The following UBR4 variants were observed in gnomAD, a reference collection of about 807,000 sequenced individuals.
UBR4 encodes ubiquitin protein ligase E3 component n-recognin 4.
A neutral mutation model predicts 575.6 loss-of-function variants in UBR4; 124 were observed. That is an observed-to-expected ratio of 0.22 (90% CI 0.19 to 0.25). The LOEUF (loss-of-function observed/expected upper bound fraction) is 0.25, where lower values mean the gene tolerates loss of function less well. Among genes scored for constraint, UBR4 ranks in the 10% least tolerant of loss-of-function variants. UBR4 has a pLI of 1.00. For missense variants in UBR4, 4,818 were observed against 6,478.8 expected (o/e 0.74, Z 8.80); for synonymous variants, 2,455 against 2,473.7 (o/e 0.99, Z 0.22).
At chr1:19,118,506 G>A (rs75748701) in intron 71 of UBR4, 2,688 of 187,400 alleles carry the variant, frequency 0.014, 81 homozygotes, top group African/African-American at 0.063. Flanking sequence ...TTGCACCCTC[G>A]AACTTCTGGC....
chr1:19,134,817 C>T (rs1372140784), intron 60 of UBR4, among the ~76,000 whole-genome samples: 1 of 152,072 alleles, frequency 6.6e-6, no homozygotes, highest in Admixed American at 6.6e-5. Flanking sequence ...CATGACTTCC[C>T]TTCACACTCT....
intron 71 of UBR4, 100 bp downstream of exon 71, chr1:19,118,772 A>G: frequency 1.6e-6 from 2 of 1,214,952 alleles, no homozygotes; most frequent in South Asian, 2.6e-5. Context: ...CTCTTCTCTC[A>G]GGCGCTTGTC....
In UBR4 at chr1:19,156,401, C is replaced by T; in HGVS notation, c.5942G>A (p.Ser1981Asn). The T allele has an allele frequency of 6.2e-7, 1 of 1,614,154 alleles. No homozygotes were observed. The highest frequency in any genetic ancestry group is 8.5e-7 in the Non-Finnish European group (1 of 1,180,012). The change falls in exon 42 of 106, where the codon AGT becomes AAT. Residue 1981 changes from serine to asparagine, a missense_variant. By Grantham distance (46) the Ser-to-Asn change is conservative. This residue lies in a region of UBR4 where 461 missense variants were observed against 606.9 expected (regional missense o/e 0.76). Coordinates refer to ENST00000375254, the MANE Select transcript of UBR4 (RefSeq NM_020765.3). ...GTGATCCGAAACAGAGCCTGAGCTACTAAAGGTGAGCACATGACAGTCCTG... is the reference window on the plus strand; with the variant it reads ...GTGATCCGAAACAGAGCCTGAGCTATTAAAGGTGAGCACATGACAGTCCTG... Reference protein sequence around the residue: ...GLKDCHVLTFSSSGSVSDHLV... With the variant: ...GLKDCHVLTFNSSGSVSDHLV...
chr1:19,157,932 C>T lies in UBR4; in HGVS notation c.5643G>A (p.Gln1881=), dbSNP rs749405007. 1.9e-6 allele frequency: 3 copies of T among 1,614,234 alleles called. No individual in the cohort carries two copies. In the South Asian group the frequency reaches 3.3e-5, roughly 18 times the overall value. The change falls in exon 40 of 106, where the codon CAG becomes CAA. Residue 1881 remains glutamine (Q), a synonymous_variant. Coordinates refer to ENST00000375254, the MANE Select transcript of UBR4 (RefSeq NM_020765.3). This position sits in a 1 kb window ranked among gnomAD's most constrained non-coding sequence, Gnocchi z 4.4. The stretch of plus-strand genomic sequence containing the variant: ...TGATCAGCTGCCGGATGGTCTGGCC[C>T]TGGTCTCCACTGTAATTCATCCGCA... The part of the protein sequence containing the change: ...ENVRMNYSGD[Q]GQTIRQLISA...
intron 53 of UBR4, among the ~76,000 whole-genome samples, chr1:19,145,453 A>AGCTGGCTT (rs1447274662): frequency 6.6e-6 from 1 of 151,788 alleles, no homozygotes; most frequent in Non-Finnish European, 1.5e-5. Context: ...GTGCCTTTTG[A>AGCTGGCTT]GCTGGCTTTA....
rs748148721 is a variant in UBR4, at chr1:19,146,962, G to A, written c.7668C>T (p.Asn2556=). ...AATCCTTGCCCTCTTTGCTAGATGTGTTGAGACACTGCACAGCTTTGCTCA... is the reference window on the plus strand; with the variant it reads ...AATCCTTGCCCTCTTTGCTAGATGTATTGAGACACTGCACAGCTTTGCTCA... ...ALLSKAVQCL[N]TSSKEGKDLD... Residue 2556 remains asparagine, a synonymous_variant, in exon 52 of 106, where the codon AAC becomes AAT. Coordinates refer to ENST00000375254, the MANE Select transcript of UBR4 (RefSeq NM_020765.3). 1.2e-6 allele frequency: 2 copies of A among 1,613,304 alleles called. No individual in the cohort carries two copies. Among genetic ancestry groups the A allele is most frequent in the Admixed American group, 1.7e-5 (1 of 59,966 alleles).
At chr1:19,147,145 T>C (rs1471248448) in intron 51 of UBR4, 145 bp from the exon 52 acceptor site, 25 of 752,932 alleles carry the variant, frequency 3.3e-5, no homozygotes, top group Non-Finnish European at 4.5e-5. Context: ...CTACAACAGA[T>C]CTTCAAAGCA....
Position 19,138,025 on chromosome 1 carries a change from TCTC to T in UBR4, c.8885_8887del (p.Gly2962del), listed in dbSNP as rs1403800295. The T allele has an allele frequency of 2.6e-6, 4 of 1,562,746 alleles. No homozygotes were observed. Among genetic ancestry groups the T allele is most frequent in the Non-Finnish European group, 8.7e-7 (1 of 1,148,572 alleles). The stretch of plus-strand genomic sequence containing the variant: ...TCTTGACCTGTTGCTAGTGTGGACA[TCTC>T]CTTCAGTTTCTCCTTCTCCTTCTCC... On this transcript the variant is annotated inframe_deletion, in exon 60 of 106. Transcript: ENST00000375254.
chr1:19,122,046 C>G, intron 66 of UBR4, 34 bp from the exon 67 acceptor site: 1 of 1,609,576 alleles, frequency 6.2e-7, no homozygotes, highest in Non-Finnish European at 8.5e-7. Flanking sequence ...AAAGGAGTAA[C>G]TCCACCACAT....
chr1:19,156,258 A>C lies in UBR4; in HGVS notation c.6072+13T>G. On this transcript the variant is annotated intron_variant, in intron 42 of 105. Transcript: ENST00000375254. ...AATTCTAGGACCATATCATCAAAGA[A>C]CTGTAACTGTACCTTAACAAAGTCT... is the stretch of plus-strand genomic sequence containing the variant. 6.2e-7 allele frequency: 1 copy of C among 1,613,710 alleles called. No homozygotes were observed. Among genetic ancestry groups the C allele is most frequent in the Non-Finnish European group, 8.5e-7 (1 of 1,179,834 alleles).
chr1:19,192,879 C>T (rs1438953902), intron 9 of UBR4, among the ~76,000 whole-genome samples: 1 of 151,950 alleles, frequency 6.6e-6, no homozygotes, highest in African/African-American at 2.4e-5. Context: ...ACCTCCCAGG[C>T]TCAAGCGATT....
rs1254979238 is a variant in UBR4 at position 19,117,232 on chromosome 1, C to T, written c.10812G>A (p.Glu3604=). Residue 3604 remains glutamate (E), a synonymous_variant, in exon 73 of 106, where the codon GAG becomes GAA. Coordinates refer to ENST00000375254, the MANE Select transcript of UBR4 (RefSeq NM_020765.3). The surrounding 1 kb of genome is among the most constrained non-coding windows in gnomAD (Gnocchi z 4.0). ...TAAAAAGCCCGTACTTGTTTTTCAA[C>T]TCCACGATGGCCTGCACGGTTCGGT... is the stretch of plus-strand genomic sequence containing the variant. The part of the protein sequence containing the change: ...YNNRTVQAIV[E]LKNKPARWHK... 1.9e-6 allele frequency: 3 copies of T among 1,612,032 alleles called. No individual in the cohort carries two copies. The highest frequency in any genetic ancestry group is 1.3e-5 in the African/African-American group (1 of 75,036).
rs369816992 is a variant in UBR4, at chr1:19,105,727, T to C, written c.12503+6A>G. 12 of 1,575,310 alleles carry C rather than the reference T, an allele frequency of 7.6e-6. No homozygotes were observed. The African/African-American group carries it at 1.4e-4, about 18-fold the overall frequency. On this transcript the variant is annotated splice_donor_region_variant and intron_variant, in intron 84 of 105. Coordinates refer to ENST00000375254, the MANE Select transcript of UBR4 (RefSeq NM_020765.3). ...CCACGCTCCTCATCCCACTCCCAAA[T>C]GGTACCTGGTAAGCAGGTCCAGGAC...
chr1:19,154,089 C>G (rs2086101652), intron 44 of UBR4, 150 bp from the exon 45 acceptor site: 1 of 876,044 alleles, frequency 1.1e-6, no homozygotes, highest in Non-Finnish European at 1.7e-6. Context: ...TAGTTTTATT[C>G]CAAGCCATGC....
chr1:19,207,023 T>C (rs557950720), intron 1 of UBR4, among the ~76,000 whole-genome samples: 8 of 152,102 alleles, frequency 5.3e-5, no homozygotes, highest in African/African-American at 1.7e-4. Flanking sequence ...AAAGTAAGAG[T>C]TGGCATGATG....
intron 93 of UBR4, among the ~76,000 whole-genome samples, 178 bp downstream of exon 93, chr1:19,095,367 G>A (rs1447101041): frequency 1.3e-5 from 2 of 152,208 alleles, no homozygotes; most frequent in African/African-American, 4.8e-5. Context: ...GGGGCAGGAG[G>A]TGAGCCAGCC....
chr1:19,076,185 T>C (rs2075919783), intron 105 of UBR4, among the ~76,000 whole-genome samples: 1 of 152,238 alleles, frequency 6.6e-6, no homozygotes, highest in Admixed American at 6.5e-5. Context: ...AGAATTTCAA[T>C]TTTACTAGCA....
chr1:19,208,600 T>C (rs1438357589), intron 1 of UBR4, among the ~76,000 whole-genome samples: 1 of 152,198 alleles, frequency 6.6e-6, no homozygotes, highest in East Asian at 1.9e-4. Context: ...TCTTGATTAT[T>C]TGTACAAACA....
chr1:19,095,690 T>A (rs749392871), intron 92 of UBR4, 38 bp from the exon 93 acceptor site: 33 of 1,598,832 alleles, frequency 2.1e-5, no homozygotes, highest in Non-Finnish European at 2.7e-5. Context: ...TGAGGCCACA[T>A]GAGAGTGTAG....
Sources: allele counts gnomAD v4.1 joint callset (sites outside exome capture counted in the v4.1 genomes callset), GRCh38; gene constraint gnomAD v4.1.1; regional missense constraint gnomAD v4.1.1; non-coding constraint Gnocchi (gnomAD v3.1); transcripts MANE v1.5; gene names NCBI Gene and HGNC (gene_info 2026-07-23, HGNC 2026-07-21).